CLNK: variants seen among roughly 807,000 people sequenced by gnomAD.
CLNK encodes cytokine-dependent hematopoietic cell linker.
In CLNK, 74 loss-of-function variants were observed where a neutral mutation model predicts 68.6. The observed-to-expected ratio is 1.08, with a 90% CI of 0.89 to 1.31. The LOEUF is 1.31. CLNK is among the 50% of genes most tolerant of loss of function. The pLI is 0.00. For synonymous variants in CLNK, 198 were observed against 172.2 expected, an observed-to-expected ratio of 1.15 and a Z score of -1.17; for missense variants, 553 against 515.3, an observed-to-expected ratio of 1.07 and a Z score of -0.71.
At chr4:10,496,642 T>C (rs1030753223) in intron 18 of CLNK, among the ~76,000 whole-genome samples, 5 of 152,228 alleles carry the variant, frequency 3.3e-5, no homozygotes, top group African/African-American at 1.2e-4. Context: ...ATGGTGTTAT[T>C]TGAGTCTGTT....
intron 2 of CLNK, among the ~76,000 whole-genome samples, chr4:10,604,409 T>C (rs1046926564): frequency 2.0e-5 from 3 of 152,182 alleles, no homozygotes; most frequent in Non-Finnish European, 4.4e-5. Context: ...TCAAATTGCA[T>C]ATTCATGCAC....
chr4:10,702,705 T>C, the CLNK span, among the ~76,000 whole-genome samples: 1 of 152,222 alleles, frequency 6.6e-6, no homozygotes, highest in Non-Finnish European at 1.5e-5. Context: ...GAGTCTGGAA[T>C]TCTGTCTCTA....
chr4:10,702,986 T>C, the CLNK span, among the ~76,000 whole-genome samples: 1 of 152,092 alleles, frequency 6.6e-6, no homozygotes, highest in Non-Finnish European at 1.5e-5. Context: ...GAAGAGGAAC[T>C]CCAGTGGAAG....
the CLNK span, among the ~76,000 whole-genome samples, chr4:10,694,950 C>T: frequency 6.6e-6 from 1 of 152,136 alleles, no homozygotes; most frequent in Non-Finnish European, 1.5e-5. Flanking sequence ...CAAGTTATTT[C>T]CATATCTTGC....
At chr4:10,637,216 A>G (rs868232695) in intron 2 of CLNK, among the ~76,000 whole-genome samples, 8 of 152,218 alleles carry the variant, frequency 5.3e-5, no homozygotes, top group Non-Finnish European at 1.5e-5. Context: ...CCATGCAAAT[A>G]GTTCCAGACA....
At chr4:10,673,486 C>A (rs1467759459) in intron 1 of CLNK, among the ~76,000 whole-genome samples, 3 of 152,006 alleles carry the variant, frequency 2.0e-5, no homozygotes, top group African/African-American at 7.3e-5. Flanking sequence ...TACTATGCAG[C>A]CATAAAAAAG....
At chr4:10,523,215 G>A (rs150608135) in intron 14 of CLNK, among the ~76,000 whole-genome samples, 27 of 152,262 alleles carry the variant, frequency 1.8e-4, no homozygotes, top group African/African-American at 5.5e-4. Context: ...TGAGTTTACC[G>A]GGATGAAAAG....
At chr4:10,599,126 G>A (rs1721492242) in intron 2 of CLNK, among the ~76,000 whole-genome samples, 1 of 152,210 alleles carries the variant, frequency 6.6e-6, no homozygotes, top group African/African-American at 2.4e-5. Flanking sequence ...GGTAACTTGT[G>A]TTCACATCTG....
intron 18 of CLNK, 69 bp downstream of exon 18, chr4:10,501,187 C>G (rs947667703): frequency 2.7e-6 from 4 of 1,455,164 alleles, no homozygotes; most frequent in African/African-American, 2.9e-5. Context: ...TCCAGGGTGA[C>G]ATCCCCCAAA....
chr4:10,504,136 T>G (rs1717182866), intron 17 of CLNK, among the ~76,000 whole-genome samples: 1 of 143,840 alleles, frequency 7.0e-6, no homozygotes, highest in Non-Finnish European at 1.5e-5. Flanking sequence ...TTTTTTTTTT[T>G]TTGAGATGGA....
At chr4:10,602,044 CA>C (rs1721606889) in intron 2 of CLNK, among the ~76,000 whole-genome samples, 1 of 152,224 alleles carries the variant, frequency 6.6e-6, no homozygotes, top group African/African-American at 2.4e-5. Flanking sequence ...CCACACACTC[CA>C]GACTGTTTTC....
chr4:10,545,477 C>T (rs530842499), intron 8 of CLNK, among the ~76,000 whole-genome samples: 1 of 152,142 alleles, frequency 6.6e-6, no homozygotes, highest in Admixed American at 6.6e-5. Flanking sequence ...GGACACCCCA[C>T]CCCTATAGCT....
chr4:10,705,381 A>C, the CLNK span, among the ~76,000 whole-genome samples: 2 of 152,212 alleles, frequency 1.3e-5, no homozygotes, highest in Non-Finnish European at 2.9e-5. Flanking sequence ...GGCTTAAACA[A>C]TACAGTTTTA....
chr4:10,706,144 G>C, the CLNK span, among the ~76,000 whole-genome samples: 15 of 152,204 alleles, frequency 9.9e-5, no homozygotes, highest in Non-Finnish European at 1.8e-4. Context: ...ATTGCCCTCT[G>C]ACAGGGAATG....
the CLNK span, among the ~76,000 whole-genome samples, chr4:10,700,320 TACA>T: frequency 6.6e-6 from 1 of 152,186 alleles, no homozygotes; most frequent in East Asian, 1.9e-4. Context: ...TCATTGTGGT[TACA>T]ACAATAGCTA....
chr4:10,592,951 TCCTGA>T (rs1423367756), intron 3 of CLNK, among the ~76,000 whole-genome samples: 1 of 152,120 alleles, frequency 6.6e-6, no homozygotes. Context: ...GGTCTGGAAC[TCCTGA>T]CCTCAAATGA....
At chr4:10,643,886 T>A (rs970230151) in intron 2 of CLNK, among the ~76,000 whole-genome samples, 3 of 152,244 alleles carry the variant, frequency 2.0e-5, no homozygotes, top group Non-Finnish European at 4.4e-5. Context: ...CTAGATCATG[T>A]TACATGGAAA....
intron 1 of CLNK, among the ~76,000 whole-genome samples, chr4:10,669,666 CAACCCATACTCAT>C (rs1724549106): frequency 6.6e-6 from 1 of 152,202 alleles, no homozygotes; most frequent in Non-Finnish European, 1.5e-5. Flanking sequence ...GTGTGATCTT[CAACCCATACTCAT>C]AACCCATACT....
intron 4 of CLNK, among the ~76,000 whole-genome samples, chr4:10,580,795 A>G (rs1158300938): frequency 2.0e-5 from 3 of 152,220 alleles, no homozygotes; most frequent in Non-Finnish European, 4.4e-5. Context: ...AACTTTAAAC[A>G]TTTATAATTG....
Sources: gnomAD v4.1 joint callset for allele counts (sites outside exome capture counted in the v4.1 genomes callset) on GRCh38, gnomAD v4.1.1 for gene constraint, MANE v1.5 for transcripts, NCBI Gene and HGNC (gene_info 2026-07-23, HGNC 2026-07-21) for gene names.